PPARG: variants seen among roughly 807,000 people sequenced by gnomAD.
The protein encoded by PPARG is peroxisome proliferator-activated receptor gamma.
PPARG carries 17 observed loss-of-function variants against 39.2 expected under a neutral mutation model. That is an observed-to-expected ratio of 0.43 (90% CI 0.30 to 0.65). PPARG has a LOEUF of 0.65. Among genes scored for constraint, PPARG ranks in the 30% least tolerant of loss-of-function variants. PPARG has a pLI of 0.13. For missense variants in PPARG, 406 were observed against 585.9 expected (o/e 0.69, Z 3.17); for synonymous variants, 223 against 215.7 (o/e 1.03, Z -0.30).
intron 1 of PPARG, among the ~76,000 whole-genome samples, chr3:12,299,853 T>C (rs2046884249): frequency 6.6e-6 from 1 of 152,186 alleles, no homozygotes; most frequent in South Asian, 2.1e-4. Context: ...TACAAACTTT[T>C]ACAAGCTTAG....
At chr3:12,380,701 T>A (rs1371203163) in intron 3 of PPARG, among the ~76,000 whole-genome samples, 1 of 152,172 alleles carries the variant, frequency 6.6e-6, no homozygotes, top group Admixed American at 6.5e-5. Context: ...AGTTAGAGCC[T>A]AATATGGAAA....
At chr3:12,312,015 T>C (rs1346409125) in intron 1 of PPARG, among the ~76,000 whole-genome samples, 2 of 152,240 alleles carry the variant, frequency 1.3e-5, no homozygotes, top group African/African-American at 4.8e-5. Context: ...TTTTCTTAAG[T>C]CTGTGCAGTA....
chr3:12,384,653 G>C (rs762253565), intron 4 of PPARG, among the ~76,000 whole-genome samples: 3 of 152,082 alleles, frequency 2.0e-5, no homozygotes, highest in Admixed American at 6.6e-5. Flanking sequence ...CCCAAAGTGT[G>C]GTCTGGGGCT....
chr3:12,411,229 T>C (rs933699181), intron 6 of PPARG, among the ~76,000 whole-genome samples: 10 of 152,214 alleles, frequency 6.6e-5, no homozygotes, highest in African/African-American at 2.4e-4. Flanking sequence ...TGGACTCAGT[T>C]GGCCAATACC....
intron 2 of PPARG, among the ~76,000 whole-genome samples, chr3:12,347,162 G>C (rs1251720375): frequency 1.3e-5 from 2 of 151,572 alleles, no homozygotes; most frequent in East Asian, 3.9e-4. Context: ...ACTCCAGCCT[G>C]AGGGACAGAG....
At chr3:12,371,924 T>C in intron 2 of PPARG, 1 of 713,236 alleles carries the variant, frequency 1.4e-6, no homozygotes, top group Non-Finnish European at 2.6e-6. Flanking sequence ...CCAGGTCAGT[T>C]TACACTGCAG....
intron 2 of PPARG, among the ~76,000 whole-genome samples, chr3:12,345,820 C>T (rs1388669506): frequency 6.6e-6 from 1 of 152,172 alleles, no homozygotes; most frequent in African/African-American, 2.4e-5. Context: ...TGTGAATTCC[C>T]ACTGTGCTTC....
At chr3:12,300,514 A>G (rs1376783018) in intron 1 of PPARG, among the ~76,000 whole-genome samples, 2 of 152,012 alleles carry the variant, frequency 1.3e-5, no homozygotes, top group Non-Finnish European at 2.9e-5. Flanking sequence ...TTAAATTTTT[A>G]AATGTCAGGT....
At chr3:12,426,408 G>T (rs989700292) in intron 7 of PPARG, among the ~76,000 whole-genome samples, 19 of 152,114 alleles carry the variant, frequency 1.2e-4, no homozygotes, top group Admixed American at 6.6e-5. Context: ...AGCAGTAAAC[G>T]ACATTGCTCC....
chr3:12,368,383 T>C (rs1260575224), intron 2 of PPARG, among the ~76,000 whole-genome samples: 1 of 151,832 alleles, frequency 6.6e-6, no homozygotes, highest in African/African-American at 2.4e-5. Context: ...GGTTTCACCA[T>C]GTAGGCCAGG....
intron 2 of PPARG, among the ~76,000 whole-genome samples, chr3:12,366,969 G>A (rs185362247): frequency 2.6e-4 from 40 of 152,256 alleles, no homozygotes; most frequent in East Asian, 2.3e-3. Flanking sequence ...CAGAGAATTG[G>A]TATAATTTCT....
At chr3:12,300,779 T>G (rs539322648) in intron 1 of PPARG, among the ~76,000 whole-genome samples, 2 of 152,234 alleles carry the variant, frequency 1.3e-5, no homozygotes, top group Admixed American at 1.3e-4. Context: ...GAAAATTCCA[T>G]GTACCAAGCA....
chr3:12,355,110 G>A (rs2048619607), intron 2 of PPARG, among the ~76,000 whole-genome samples: 2 of 152,128 alleles, frequency 1.3e-5, no homozygotes, highest in South Asian at 4.1e-4. Flanking sequence ...TAGAAGTCCA[G>A]AAAAGATTTG....
chr3:12,288,440 G>A (rs1483706296), upstream of PPARG, among the ~76,000 whole-genome samples: 1 of 151,704 alleles, frequency 6.6e-6, no homozygotes, highest in Non-Finnish European at 1.5e-5. Flanking sequence ...GAGAGCGCCG[G>A]GTGGGCGCGG....
In PPARG at chr3:12,434,240, A is replaced by G. The variant is rs1559540803; in HGVS notation, c.*95A>G. 2 of 1,506,018 alleles carry G rather than the reference A, an allele frequency of 1.3e-6. No homozygotes were observed. Among genetic ancestry groups the G allele is most frequent in the Non-Finnish European group, 1.8e-6 (2 of 1,097,424 alleles). 93.3% of individuals were successfully genotyped at this position (1,506,018 alleles called of 1,614,324 possible). On this transcript the variant is annotated 3_prime_UTR_variant, in exon 8 of 8. Coordinates refer to ENST00000651735, the MANE Select transcript of PPARG (RefSeq NM_138711.6). This position sits in a 1 kb window ranked among gnomAD's most constrained non-coding sequence, Gnocchi z 4.2. ...CCTAAGAAATTTACTGTGAAAAAGC[A>G]TTTTAAAAAGAAAAGGTTTTAGAAT...
Position 12,416,818 on chromosome 3 carries a change from G to C in PPARG, c.844G>C (p.Gly282Arg). 1.9e-6 allele frequency: 3 copies of C among 1,614,128 alleles called. No individual in the cohort carries two copies. Among genetic ancestry groups the C allele is most frequent in the Non-Finnish European group, 2.5e-6 (3 of 1,179,996 alleles). ...SKEVAIRIFQ[G>R]CQFRSVEAVQ... Reference sequence around the variant, plus strand: ...AGAGGTGGCCATCCGCATCTTTCAGGGCTGCCAGTTTCGCTCCGTGGAGGC... The same window carrying C: ...AGAGGTGGCCATCCGCATCTTTCAGCGCTGCCAGTTTCGCTCCGTGGAGGC... Residue 282 changes from glycine (G) to arginine (R), a missense_variant, in exon 7 of 8, where the codon GGC (glycine) becomes CGC (arginine). Around this residue, in one of 2 missense-constraint regions of PPARG, gnomAD observed 275 missense variants for 458.0 expected, o/e 0.60. Transcript: ENST00000651735.
chr3:12,379,397 T>C (rs2049538877), intron 2 of PPARG, among the ~76,000 whole-genome samples: 1 of 152,190 alleles, frequency 6.6e-6, no homozygotes, highest in Non-Finnish European at 1.5e-5. Flanking sequence ...ACAGACTCAA[T>C]TGATGACCTA....
chr3:12,389,302 A>G (rs1040868414), intron 4 of PPARG, among the ~76,000 whole-genome samples: 2 of 152,258 alleles, frequency 1.3e-5, no homozygotes, highest in African/African-American at 4.8e-5. Flanking sequence ...TGAAGGCTAG[A>G]ATAAGAAAGT....
chr3:12,313,892 T>A (rs1372871196), intron 2 of PPARG, among the ~76,000 whole-genome samples: 1 of 152,166 alleles, frequency 6.6e-6, no homozygotes, highest in African/African-American at 2.4e-5. Context: ...GTAGAAGACT[T>A]TAATAAATGT....
Sources: gnomAD v4.1 joint callset for allele counts (sites outside exome capture counted in the v4.1 genomes callset) on GRCh38, gnomAD v4.1.1 for gene constraint, gnomAD v4.1.1 regional missense constraint, Gnocchi (gnomAD v3.1) non-coding constraint, MANE v1.5 for transcripts, NCBI Gene and HGNC (gene_info 2026-07-23, HGNC 2026-07-21) for gene names.